EVI5: variants seen among roughly 807,000 people sequenced by gnomAD.
The protein encoded by EVI5 is ecotropic viral integration site 5, also known as ecotropic viral integration site 5 protein homolog.
A neutral mutation model predicts 112.0 loss-of-function variants in EVI5; 73 were observed. The observed-to-expected ratio is 0.65, with a 90% CI of 0.54 to 0.79. The LOEUF is 0.79. EVI5 is among the 30% of genes least tolerant of loss of function. EVI5 has a pLI of 0.00. For synonymous variants in EVI5, 305 were observed against 319.9 expected (o/e 0.95, Z 0.50); for missense variants, 900 against 968.8 (o/e 0.93, Z 0.94).
chr1:92,734,169 T>A (rs1224021676), intron 2 of EVI5, among the ~76,000 whole-genome samples: 1 of 152,218 alleles, frequency 6.6e-6, no homozygotes, highest in Non-Finnish European at 1.5e-5. Context: ...AATTTTTGCA[T>A]GAAGAATGTT....
intron 1 of EVI5, among the ~76,000 whole-genome samples, chr1:92,759,719 T>A (rs1297001232): frequency 6.6e-6 from 1 of 152,208 alleles, no homozygotes; most frequent in Admixed American, 6.5e-5. Context: ...TATATCATTA[T>A]ATGTAAAACT....
intron 13 of EVI5, among the ~76,000 whole-genome samples, chr1:92,643,414 G>A (rs1389324753): frequency 4.0e-5 from 6 of 150,186 alleles, no homozygotes; most frequent in Admixed American, 1.3e-4. Flanking sequence ...CAGTAGCTAG[G>A]ACTTTTAGGC....
intron 18 of EVI5, among the ~76,000 whole-genome samples, chr1:92,596,813 T>C (rs1571798120): frequency 1.3e-5 from 2 of 152,306 alleles, no homozygotes; most frequent in East Asian, 3.9e-4. Flanking sequence ...GGGATATATA[T>C]TCAGTATCTG....
chr1:92,770,934 G>A (rs1342941184), intron 1 of EVI5, among the ~76,000 whole-genome samples: 2 of 150,492 alleles, frequency 1.3e-5, no homozygotes, highest in Non-Finnish European at 3.0e-5. Context: ...TCCTGCCTCA[G>A]CCTCCCAAGT....
intron 9 of EVI5, among the ~76,000 whole-genome samples, chr1:92,690,956 A>G (rs1669406757): frequency 6.6e-6 from 1 of 152,214 alleles, no homozygotes; most frequent in Non-Finnish European, 1.5e-5. Flanking sequence ...CTCCCAGTTT[A>G]TAGAAAACAC....
intron 19 of EVI5, among the ~76,000 whole-genome samples, chr1:92,517,612 C>G (rs1660130079): frequency 6.6e-6 from 1 of 152,216 alleles, no homozygotes; most frequent in African/African-American, 2.4e-5. Flanking sequence ...TCCAGTAGTA[C>G]AACCAAGCTG....
intron 19 of EVI5, among the ~76,000 whole-genome samples, chr1:92,550,486 AAAGTAT>A (rs531661521): frequency 4.5e-4 from 69 of 151,694 alleles, no homozygotes; most frequent in African/African-American, 1.5e-3. Flanking sequence ...CCTAGAACTT[AAAGTAT>A]AATTAAAAAT....
At chr1:92,605,241 C>G in intron 18 of EVI5, 66 bp downstream of exon 18, 1 of 1,030,792 alleles carries the variant, frequency 9.7e-7, no homozygotes, top group Non-Finnish European at 1.5e-6. Flanking sequence ...GAGTAAGTTA[C>G]TGTTCAGACA....
At chr1:92,726,590 C>T (rs1675601392) in intron 2 of EVI5, among the ~76,000 whole-genome samples, 2 of 152,080 alleles carry the variant, frequency 1.3e-5, no homozygotes, top group African/African-American at 4.8e-5. Context: ...AAGGAAATAT[C>T]AGATGGAAAT....
chr1:92,622,132 T>TA (rs11398075), intron 16 of EVI5, among the ~76,000 whole-genome samples: 131,321 of 148,426 alleles, frequency 0.88, 58,224 homozygotes, highest in South Asian at 0.97. Context: ...AAATAAAAAT[T>TA]AAAAAAAAAA....
intron 1 of EVI5, among the ~76,000 whole-genome samples, chr1:92,770,855 A>G (rs1683322524): frequency 6.6e-6 from 1 of 151,516 alleles, no homozygotes; most frequent in Non-Finnish European, 1.5e-5. Flanking sequence ...TCGATCTGCC[A>G]CCCAAACTGG....
chr1:92,708,126 A>C (rs1362166907), intron 2 of EVI5, among the ~76,000 whole-genome samples: 2 of 152,180 alleles, frequency 1.3e-5, no homozygotes, highest in Non-Finnish European at 2.9e-5. Flanking sequence ...ACTACAAGTG[A>C]CAAAAGAAAA....
chr1:92,632,893 C>T (rs1222860893), intron 14 of EVI5, among the ~76,000 whole-genome samples: 5 of 152,204 alleles, frequency 3.3e-5, no homozygotes, highest in African/African-American at 1.2e-4. Context: ...TCATTGGTTT[C>T]AAAGGACATC....
chr1:92,553,848 G>A (rs1260328190), intron 19 of EVI5, among the ~76,000 whole-genome samples: 4 of 152,164 alleles, frequency 2.6e-5, no homozygotes, highest in African/African-American at 9.7e-5. Context: ...AATTAATCTG[G>A]AAACATTGGT....
At chr1:92,528,790 G>A (rs899838373) in intron 19 of EVI5, among the ~76,000 whole-genome samples, 5 of 152,204 alleles carry the variant, frequency 3.3e-5, no homozygotes, top group Non-Finnish European at 5.9e-5. Flanking sequence ...ATGAGAGAGA[G>A]AGTGTGGGAG....
At chr1:92,754,987 T>C (rs1680707867) in intron 1 of EVI5, among the ~76,000 whole-genome samples, 1 of 152,092 alleles carries the variant, frequency 6.6e-6, no homozygotes, top group Admixed American at 6.5e-5. Context: ...AAGTATAATG[T>C]TATATCTTAA....
At chr1:92,738,258 G>A (rs970183086) in intron 1 of EVI5, among the ~76,000 whole-genome samples, 4 of 152,064 alleles carry the variant, frequency 2.6e-5, no homozygotes, top group African/African-American at 9.7e-5. Context: ...TCGATCTTAG[G>A]ATAACAACTA....
chr1:92,693,174 A>AC (rs1459742658), intron 9 of EVI5, among the ~76,000 whole-genome samples: 1 of 152,016 alleles, frequency 6.6e-6, no homozygotes, highest in Non-Finnish European at 1.5e-5. Flanking sequence ...CAACATAGTG[A>AC]CACTCTGTCT....
intron 18 of EVI5, among the ~76,000 whole-genome samples, chr1:92,581,615 G>A (rs1202226533): frequency 6.6e-6 from 1 of 151,288 alleles, no homozygotes; most frequent in Non-Finnish European, 1.5e-5. Context: ...TGCTTCTTTT[G>A]TTAGCTGTCA....
Sources: allele counts gnomAD v4.1 joint callset (sites outside exome capture counted in the v4.1 genomes callset), GRCh38; gene constraint gnomAD v4.1.1; transcripts MANE v1.5; gene names NCBI Gene and HGNC (gene_info 2026-07-23, HGNC 2026-07-21).